Variants in WNK3 observed in about 807,000 individuals in gnomAD.
The protein encoded by WNK3 is serine/threonine-protein kinase WNK3.
WNK3 carries 18 observed loss-of-function variants against 116.7 expected under a neutral mutation model. The ratio of observed to expected loss-of-function variants is 0.15; its 90% confidence interval spans 0.11 to 0.23. The LOEUF is 0.23. Among genes scored for constraint, WNK3 ranks in the 10% least tolerant of loss-of-function variants. The pLI, the probability that WNK3 is intolerant of heterozygous loss-of-function variation, is 1.00. For synonymous variants in WNK3, 404 were observed against 469.4 expected, an observed-to-expected ratio of 0.86 and a Z score of 1.80; for missense variants, 993 against 1,323.8, an observed-to-expected ratio of 0.75 and a Z score of 3.88.
chrX:54,210,315 T>C (rs2146731224), intron 22 of WNK3, among the ~76,000 whole-genome samples: 1 of 112,325 alleles, frequency 8.9e-6, no homozygotes, highest in African/African-American at 3.2e-5. Flanking sequence ...GACATGACCA[T>C]TTTTATATTA....
At chrX:54,293,233 G>A in exon 9 of WNK3, 1 of 1,210,780 alleles carries the variant, frequency 8.3e-7, no homozygotes, top group Non-Finnish European at 1.1e-6. Flanking sequence ...CCATTTGAGA[G>A]CCCATCGTTT....
chrX:54,348,669 G>A (rs192193546), intron 1 of WNK3, among the ~76,000 whole-genome samples: 48 of 111,683 alleles, frequency 4.3e-4, no homozygotes, highest in African/African-American at 1.5e-3. Flanking sequence ...ACAACAAAGA[G>A]TGTTATCAAA....
chrX:54,276,423 C>CCT (rs1471299737), intron 10 of WNK3, among the ~76,000 whole-genome samples: 1 of 111,073 alleles, frequency 9.0e-6, no homozygotes, highest in Non-Finnish European at 1.9e-5. Flanking sequence ...AACTTCAACA[C>CCT]CTCACTCTCA....
At position 54,248,935 on chromosome X, in the gene WNK3, G is replaced by T. The variant is rs147480156; in HGVS notation, c.3413C>A (p.Thr1138Asn). ...AGAAAATGGAGAGTCTATGCTTTGGGTATCCTTCTGACTCTCGGGATAGAT... is the reference window on the plus strand; with the variant it reads ...AGAAAATGGAGAGTCTATGCTTTGGTTATCCTTCTGACTCTCGGGATAGAT... Residue 1138 changes from threonine (T) to asparagine (N), a missense_variant, in exon 17 of 24, where the codon ACC becomes AAC. Around this residue, in one of 4 missense-constraint regions of WNK3, gnomAD observed 836 missense variants for 976.5 expected, o/e 0.86. Transcript: ENST00000354646. The T allele has an allele frequency of 2.5e-6, 3 of 1,209,348 alleles. No homozygotes were observed. The African/African-American group carries it at 5.2e-5, about 21-fold the overall frequency.
At chrX:54,330,558 C>A (rs2069157415) in intron 2 of WNK3, among the ~76,000 whole-genome samples, 1 of 110,291 alleles carries the variant, frequency 9.1e-6, no homozygotes, top group Admixed American at 9.7e-5. Flanking sequence ...TTATGTCTCC[C>A]AAAAAAATAA....
rs1340459398 is a variant in WNK3, at chrX:54,196,180, A to G, written c.*2144T>C. 3 of 111,340 alleles carry G rather than the reference A, an allele frequency of 2.7e-5. No individual in the cohort carries two copies. In the Admixed American group the frequency reaches 2.9e-4, roughly 11 times the overall value. 9.2% of individuals were successfully genotyped at this position (111,340 alleles called of 1,213,427 possible). A position where few individuals can be genotyped will look rare whatever the true frequency, so the allele number is the denominator to read the frequency against. On this transcript the variant is annotated 3_prime_UTR_variant, in exon 24 of 24. Coordinates refer to ENST00000354646, the Ensembl canonical transcript of WNK3. Reference sequence around the variant, plus strand: ...GCAATGCAAGCATTTGCATTACACTAATGTCCTAAAATCACTTTAAACTGC... The same window carrying G: ...GCAATGCAAGCATTTGCATTACACTGATGTCCTAAAATCACTTTAAACTGC...
chrX:54,249,745 G>T, intron 16 of WNK3, 111 bp from the exon 17 acceptor site: 1 of 783,404 alleles, frequency 1.3e-6, no homozygotes, highest in Non-Finnish European at 1.8e-6. Context: ...GAACCTGTGT[G>T]AAAGTACTCT....
intron 5 of WNK3, among the ~76,000 whole-genome samples, chrX:54,302,925 G>A (rs1348279801): frequency 2.1e-5 from 2 of 97,389 alleles, no homozygotes; most frequent in East Asian, 3.2e-4. Context: ...CACCAAACTC[G>A]GCTAATTTTT....
chrX:54,320,143 T>TA (rs2069012027), intron 2 of WNK3, among the ~76,000 whole-genome samples: 1 of 112,128 alleles, frequency 8.9e-6, no homozygotes, highest in Non-Finnish European at 1.9e-5. Context: ...TAAAAAGAAA[T>TA]ATTATCCTTT....
chrX:54,278,418 T>TA (rs1212437148), intron 10 of WNK3, among the ~76,000 whole-genome samples: 3,374 of 99,050 alleles, frequency 0.034, 140 homozygotes, highest in African/African-American at 0.12. Flanking sequence ...CCAGAAGAGC[T>TA]AAAAAAAAAA....
intron 2 of WNK3, among the ~76,000 whole-genome samples, chrX:54,329,080 A>G (rs2069137675): frequency 8.9e-6 from 1 of 112,152 alleles, no homozygotes; most frequent in South Asian, 3.7e-4. Flanking sequence ...TAGTGTATTA[A>G]AGGAATGCCT....
intron 10 of WNK3, among the ~76,000 whole-genome samples, chrX:54,264,020 C>CA (rs1409736343): frequency 9.4e-6 from 1 of 106,775 alleles, no homozygotes; most frequent in Non-Finnish European, 1.9e-5. Flanking sequence ...CATGTGCCAC[C>CA]ACACCTGGCT....
At chrX:54,317,462 A>G (rs1294727946) in intron 2 of WNK3, among the ~76,000 whole-genome samples, 3 of 108,264 alleles carry the variant, frequency 2.8e-5, no homozygotes, top group Non-Finnish European at 3.8e-5. Flanking sequence ...CCCGGCCAAC[A>G]TGGATGAATT....
intron 10 of WNK3, among the ~76,000 whole-genome samples, chrX:54,281,122 A>G (rs2068511113): frequency 9.0e-6 from 1 of 111,479 alleles, no homozygotes; most frequent in African/African-American, 3.3e-5. Context: ...CAATAAAATT[A>G]ATTAACATAT....
intron 1 of WNK3, among the ~76,000 whole-genome samples, chrX:54,336,816 T>C (rs1557175455): frequency 9.0e-6 from 1 of 111,387 alleles, no homozygotes; most frequent in East Asian, 2.8e-4. Flanking sequence ...ACTGTCTGAA[T>C]GAATATGGCT....
At chrX:54,213,283 G>A (rs187199942) in intron 22 of WNK3, among the ~76,000 whole-genome samples, 101 of 109,251 alleles carry the variant, frequency 9.2e-4, no homozygotes, top group East Asian at 1.1e-3. Context: ...GATAATGAGC[G>A]GTGGCTCACA....
In WNK3 at chrX:54,232,788, T is replaced by C. The variant is rs782519545; in HGVS notation, c.4840+21A>G. 12 of 1,176,547 alleles carry C rather than the reference T, an allele frequency of 1.0e-5. No individual in the cohort carries two copies. In the South Asian group the frequency reaches 2.3e-4, roughly 23 times the overall value. On this transcript the variant is annotated intron_variant, in intron 21 of 23. Transcript: ENST00000354646. Reference sequence around the variant, plus strand: ...AATCTTGGACTAGATTTTTTAAAAATTACTTTTATGACTGATTTACCTGTA... The same window carrying C: ...AATCTTGGACTAGATTTTTTAAAAACTACTTTTATGACTGATTTACCTGTA...
chrX:54,301,454 A>C (rs1389996283), intron 6 of WNK3, among the ~76,000 whole-genome samples: 2 of 110,124 alleles, frequency 1.8e-5, no homozygotes, highest in African/African-American at 6.6e-5. Context: ...AATTTTGTCC[A>C]CTCTCAACTG....
intron 22 of WNK3, among the ~76,000 whole-genome samples, 160 bp from the exon 23 acceptor site, chrX:54,202,353 C>T (rs188000011): frequency 2.6e-3 from 291 of 111,884 alleles, no homozygotes; most frequent in Middle Eastern, 4.6e-3. Flanking sequence ...TGGTTTAAAG[C>T]TGTTGTCCTG....
Sources: allele counts gnomAD v4.1 joint callset (sites outside exome capture counted in the v4.1 genomes callset), GRCh38; gene constraint gnomAD v4.1.1; regional missense constraint gnomAD v4.1.1; transcripts MANE v1.5; gene names NCBI Gene and HGNC (gene_info 2026-07-23, HGNC 2026-07-21).